Variants in TMEM204 observed in about 807,000 individuals in gnomAD.
The protein encoded by TMEM204 is claudin-like protein 24.
TMEM204 carries 15 observed loss-of-function variants against 19.4 expected under a neutral mutation model. The ratio of observed to expected loss-of-function variants is 0.77; its 90% CI spans 0.52 to 1.19. TMEM204 has a LOEUF of 1.19. Among genes scored for constraint, TMEM204 ranks in the 50% most tolerant of loss-of-function variants. TMEM204 has a pLI of 0.00. For synonymous variants in TMEM204, 161 were observed against 146.0 expected (o/e 1.10, Z -0.74); for missense variants, 287 against 321.2 (o/e 0.89, Z 0.81).
chr16:1,553,212 C>G lies in TMEM204; in HGVS notation c.437-1570C>G. On this transcript the variant is annotated intron_variant, in intron 2 of 2. Transcript: ENST00000566264. The surrounding 1 kb of genome is among the most constrained non-coding windows in gnomAD (Gnocchi z 4.4). ...TCCTTCCCTGTGTCTCTGTCTCTGT[C>G]TCTCTCTGTCTCCATCTGTCTCTGT... 1.0e-6 allele frequency: 1 copy of G among 980,820 alleles called. No individual in the cohort carries two copies. The highest frequency in any genetic ancestry group is 1.2e-6 in the Non-Finnish European group (1 of 825,862). The allele number at this position is 980,820 out of a possible 1,614,324, so 60.8% of individuals were successfully genotyped here.
At chr16:1,539,154 C>G (rs556681009) in intron 1 of TMEM204, among the ~76,000 whole-genome samples, 35 of 149,068 alleles carry the variant, frequency 2.3e-4, no homozygotes, top group African/African-American at 8.2e-4. Flanking sequence ...TCAGGCCTCA[C>G]CAAGCTGCAC....
At position 1,551,853 on chromosome 16, in the gene TMEM204, C is replaced by T. The variant is rs138543897; in HGVS notation, c.437-2929C>T. 5.4e-3 allele frequency among the ~76,000 whole-genome samples: 820 copies of T among 152,222 alleles called. 6 individuals are homozygous for T. Among genetic ancestry groups the T allele is most frequent in the African/African-American group, 0.019 (788 of 41,536 alleles). ...CTGTGTTGCCTTAGAGTTTTCTTCCCGAGGTTTTCCTAGAAAGCCACTGTA... is the reference window on the plus strand; with the variant it reads ...CTGTGTTGCCTTAGAGTTTTCTTCCTGAGGTTTTCCTAGAAAGCCACTGTA... On this transcript the variant is annotated intron_variant, in intron 2 of 2. Transcript: ENST00000566264. This position sits in a 1 kb window ranked among gnomAD's most constrained non-coding sequence, Gnocchi z 4.0.
rs1002410674 is a variant in TMEM204 at position 1,535,172 on chromosome 16, C to T, written c.280+617C>T. On this transcript the variant is annotated intron_variant, in intron 1 of 2. Coordinates refer to ENST00000566264, the MANE Select transcript of TMEM204 (RefSeq NM_024600.6). Reference sequence around the variant, plus strand: ...GGGTCTTTGAGGCAGAGAGCAGCAGCAGGATCCCCAGGGATGAGCTTCAGA... The same window carrying T: ...GGGTCTTTGAGGCAGAGAGCAGCAGTAGGATCCCCAGGGATGAGCTTCAGA... Among the ~76,000 whole-genome samples the T allele has an allele frequency of 2.0e-5, 3 of 152,250 alleles. No homozygotes were observed. The South Asian group carries it at 6.2e-4, about 32-fold the overall frequency.
At chr16:1,548,993 G>A (rs140668978) in intron 2 of TMEM204, among the ~76,000 whole-genome samples, 87 of 152,326 alleles carry the variant, frequency 5.7e-4, no homozygotes, top group Non-Finnish European at 4.1e-4. Context: ...CTGGGCCACC[G>A]TCCTCCGCAG....
intron 2 of TMEM204, among the ~76,000 whole-genome samples, chr16:1,549,408 G>A (rs893777935): frequency 2.6e-5 from 4 of 152,346 alleles, no homozygotes; most frequent in Non-Finnish European, 4.4e-5. Flanking sequence ...GGCTCCAGAC[G>A]CACCCCAGGT....
intron 2 of TMEM204, 98 bp from the exon 3 acceptor site, chr16:1,554,683 TA>T: frequency 1.3e-6 from 2 of 1,506,728 alleles, no homozygotes; most frequent in Admixed American, 2.0e-5. Flanking sequence ...TGGGGAAGGA[TA>T]AAGCAGGCTG....
In TMEM204 at chr16:1,551,759, C is replaced by A. The variant is rs932907164; in HGVS notation, c.437-3023C>A. ...AGCTACCTATACAAAGGAGGCCACA[C>A]CACACGTGCGTGGTCCGGCAGATCC... On this transcript the variant is annotated intron_variant, in intron 2 of 2. Coordinates refer to ENST00000566264, the MANE Select transcript of TMEM204 (RefSeq NM_024600.6). The surrounding 1 kb of genome is among the most constrained non-coding windows in gnomAD (Gnocchi z 4.0). Among the ~76,000 whole-genome samples, 1 of 152,190 alleles carries A rather than the reference C, an allele frequency of 6.6e-6. No individual in the cohort carries two copies. The highest frequency in any genetic ancestry group is 1.5e-5 in the Non-Finnish European group (1 of 68,034).
intron 1 of TMEM204, 142 bp from the exon 2 acceptor site, chr16:1,541,779 C>T (rs756512973): frequency 1.8e-5 from 19 of 1,039,102 alleles, no homozygotes; most frequent in East Asian, 2.8e-5. Flanking sequence ...TGATGCTTCC[C>T]GAAGCCACTG....
At chr16:1,542,949 C>T (rs1430110816) in intron 2 of TMEM204, among the ~76,000 whole-genome samples, 4 of 152,362 alleles carry the variant, frequency 2.6e-5, no homozygotes, top group South Asian at 2.1e-4. Flanking sequence ...AAGGGTCCTG[C>T]GGTGTTCTAG....
At chr16:1,540,907 G>A (rs2031569381) in intron 1 of TMEM204, 22 of 985,320 alleles carry the variant, frequency 2.2e-5, no homozygotes, top group Non-Finnish European at 2.7e-5. Context: ...ACTCCAGGCT[G>A]AGTGTCTGTC....
intron 2 of TMEM204, chr16:1,554,175 T>C (rs1407591323): frequency 7.9e-7 from 1 of 1,261,466 alleles, no homozygotes; most frequent in Non-Finnish European, 1.0e-6. Context: ...CCTGGCCCCA[T>C]CTCCGCCCTG....
intron 1 of TMEM204, chr16:1,541,634 G>C (rs2031646899): frequency 2.4e-6 from 1 of 423,274 alleles, no homozygotes; most frequent in South Asian, 1.0e-4. Flanking sequence ...GCTGTCTCAG[G>C]AAGACAGAAA....
intron 1 of TMEM204, among the ~76,000 whole-genome samples, chr16:1,539,099 A>G (rs1342262451): frequency 1.6e-4 from 23 of 143,286 alleles, no homozygotes; most frequent in African/African-American, 5.9e-4. Context: ...ATGGCCCCCC[A>G]CCTCAGGCCT....
intron 1 of TMEM204, chr16:1,540,689 GT>G (rs1161320107): frequency 3.0e-6 from 1 of 330,620 alleles, no homozygotes; most frequent in Admixed American, 6.5e-5. Flanking sequence ...CCGCTCCTGA[GT>G]GGTGAGGCTG....
intron 2 of TMEM204, among the ~76,000 whole-genome samples, chr16:1,548,292 T>TA (rs2032338693): frequency 6.6e-6 from 1 of 152,218 alleles, no homozygotes; most frequent in South Asian, 2.1e-4. Context: ...GGGTCAGCCC[T>TA]GGGGTCTTTC....
chr16:1,548,808 C>G (rs2032391664), intron 2 of TMEM204, among the ~76,000 whole-genome samples: 1 of 152,242 alleles, frequency 6.6e-6, no homozygotes, highest in African/African-American at 2.4e-5. Context: ...CAGTCACCTT[C>G]TTACGCGCGT....
In TMEM204 at chr16:1,534,211, C is replaced by A; in HGVS notation, c.-65C>A. The A allele has an allele frequency of 6.3e-7, 1 of 1,589,662 alleles. No homozygotes were observed. Among genetic ancestry groups the A allele is most frequent in the South Asian group, 1.1e-5 (1 of 89,744 alleles). On this transcript the variant is annotated 5_prime_UTR_variant, in exon 1 of 3. It adds an upstream start codon to the 5' untranslated region. Transcript: ENST00000566264. ...CCACCCCTAGCAGCGTCGGCTCTCCCTGGACGTGCGGCCGCGGACTGGGAC... is the reference window on the plus strand; with the variant it reads ...CCACCCCTAGCAGCGTCGGCTCTCCATGGACGTGCGGCCGCGGACTGGGAC...
In TMEM204 at chr16:1,551,097, A is replaced by T. The variant is rs1270864527; in HGVS notation, c.437-3685A>T. Among the ~76,000 whole-genome samples, 1 of 152,186 alleles carries T rather than the reference A, an allele frequency of 6.6e-6. No individual in the cohort carries two copies. The highest frequency in any genetic ancestry group is 1.5e-5 in the Non-Finnish European group (1 of 68,024). ...CTCCTCGCCTTTCCCGCAGCTCCAC[A>T]CTGCATTCTGTTCTGTTTCACGTCT... is the stretch of plus-strand genomic sequence containing the variant. On this transcript the variant is annotated intron_variant, in intron 2 of 2. Coordinates refer to ENST00000566264, the MANE Select transcript of TMEM204 (RefSeq NM_024600.6). This position sits in a 1 kb window ranked among gnomAD's most constrained non-coding sequence, Gnocchi z 4.0.
intron 2 of TMEM204, among the ~76,000 whole-genome samples, chr16:1,554,337 C>A (rs2032916220): frequency 6.6e-6 from 1 of 152,222 alleles, no homozygotes; most frequent in Admixed American, 6.5e-5. Flanking sequence ...ATGAATTAAG[C>A]ATTTACAAAA....
Sources: gnomAD v4.1 joint callset for allele counts (sites outside exome capture counted in the v4.1 genomes callset) on GRCh38, gnomAD v4.1.1 for gene constraint, Gnocchi (gnomAD v3.1) non-coding constraint, MANE v1.5 for transcripts, NCBI Gene and HGNC (gene_info 2026-07-23, HGNC 2026-07-21) for gene names.